The following ALKBH3 variants were observed in gnomAD, a reference collection of about 807,000 sequenced individuals.
The protein encoded by ALKBH3 is alkB homolog 3, alpha-ketoglutarate dependent dioxygenase.
In ALKBH3, 51 loss-of-function variants were observed where a neutral mutation model predicts 43.9. The ratio of observed to expected loss-of-function variants is 1.16; its 90% CI spans 0.93 to 1.47. ALKBH3 has a LOEUF of 1.47. Among genes scored for constraint, ALKBH3 ranks in the 40% most tolerant of loss-of-function variants. The pLI is 0.00. For missense variants in ALKBH3, 361 were observed against 351.9 expected (o/e 1.03, Z -0.21); for synonymous variants, 102 against 115.2 (o/e 0.89, Z 0.73).
At chr11:43,909,615 C>T (rs757369530) in intron 8 of ALKBH3, 17 of 152,320 alleles carry the variant, frequency 1.1e-4, no homozygotes, top group Admixed American at 2.6e-4. Context: ...ACGTTTGATC[C>T]TCAGCGGGTA....
rs190012738 is a variant in ALKBH3 at position 43,905,449 on chromosome 11, T to G, written c.669+3724T>G. ...GCCGGTTTTTTGTTTTTTGTTTTTTTTTTTCACTGTCCTGTGGTCCAAGTC... is the reference window on the plus strand; with the variant it reads ...GCCGGTTTTTTGTTTTTTGTTTTTTGTTTTCACTGTCCTGTGGTCCAAGTC... On this transcript the variant is annotated intron_variant, in intron 8 of 9. Coordinates refer to ENST00000302708, the MANE Select transcript of ALKBH3 (RefSeq NM_139178.4). 5.6e-3 allele frequency among the ~76,000 whole-genome samples: 846 copies of G among 152,226 alleles called. 10 individuals are homozygous for G. Among genetic ancestry groups the G allele is most frequent in the Admixed American group, 7.7e-3 (118 of 15,292 alleles).
intron 7 of ALKBH3, among the ~76,000 whole-genome samples, chr11:43,896,133 A>C (rs1951816734): frequency 1.3e-5 from 2 of 152,302 alleles, no homozygotes; most frequent in South Asian, 4.1e-4. Context: ...CGTGAATGTC[A>C]CTTCAAGGAA....
At chr11:43,912,126 A>G (rs1200891118) in intron 8 of ALKBH3, 1 of 145,466 alleles carries the variant, frequency 6.9e-6, no homozygotes, top group African/African-American at 2.5e-5. Flanking sequence ...CCTTCTCAAA[A>G]CAAACAAACA....
At chr11:43,912,037 C>A (rs1054939815) in intron 8 of ALKBH3, among the ~76,000 whole-genome samples, 1 of 152,050 alleles carries the variant, frequency 6.6e-6, no homozygotes, top group African/African-American at 2.4e-5. Context: ...GCAGAAGAAT[C>A]GCTTGAACCT....
At chr11:43,897,212 A>G in intron 7 of ALKBH3, 1 of 528,668 alleles carries the variant, frequency 1.9e-6, no homozygotes, top group South Asian at 1.4e-5. Flanking sequence ...ATTGCAACTA[A>G]CCTTTAAGAA....
chr11:43,886,881 C>T (rs1485811134), intron 5 of ALKBH3, among the ~76,000 whole-genome samples: 1 of 151,988 alleles, frequency 6.6e-6, no homozygotes, highest in Non-Finnish European at 1.5e-5. Flanking sequence ...CATGTTCTCA[C>T]TTGTAAGTGG....
At chr11:43,911,809 A>C (rs1336402441) in intron 8 of ALKBH3, among the ~76,000 whole-genome samples, 3 of 152,198 alleles carry the variant, frequency 2.0e-5, no homozygotes, top group Non-Finnish European at 4.4e-5. Context: ...ATTGTACATT[A>C]TCATTCAGAG....
In ALKBH3 at chr11:43,887,811, CAG is replaced by C. The variant is rs565185556; in HGVS notation, c.266+1161_266+1162del. Among the ~76,000 whole-genome samples, 537 of 151,626 alleles carry C rather than the reference CAG, an allele frequency of 3.5e-3. 1 individual carries two copies. Among genetic ancestry groups the C allele is most frequent in the Non-Finnish European group, 6.0e-3 (406 of 67,926 alleles). ...TTTTTTTTTGTTTTGTGTTTTGAGA[CAG>C]AGTCTCACTCTGTCACTCAAGCTGG... On this transcript the variant is annotated intron_variant, in intron 5 of 9. Transcript: ENST00000302708.
At position 43,889,736 on chromosome 11, in the gene ALKBH3, A is replaced by G; in HGVS notation, c.278A>G (p.Tyr93Cys). Reference sequence around the variant, plus strand: ...CATTCTGCACCCAGGGTCTGTTTGTATCCTGGCTTTGTTGACGTGAAAGAA... The same window carrying G: ...CATTCTGCACCCAGGGTCTGTTTGTGTCCTGGCTTTGTTGACGTGAAAGAA... ...SPTGVSRVCL[Y>C]PGFVDVKEAD... Residue 93 changes from tyrosine (Y) to cysteine (C), a missense_variant, in exon 6 of 10, where the codon TAT becomes TGT. Physicochemically the swap from Tyr to Cys is radical, Grantham distance 194. Coordinates refer to ENST00000302708, the MANE Select transcript of ALKBH3 (RefSeq NM_139178.4). 6.2e-7 allele frequency: 1 copy of G among 1,614,054 alleles called. No homozygotes were observed. Among genetic ancestry groups the G allele is most frequent in the East Asian group, 2.2e-5 (1 of 44,866 alleles).
Position 43,889,766 on chromosome 11 carries a change from A to G in ALKBH3, c.308A>G (p.Asp103Gly), listed in dbSNP as rs759713035. ...GGCTTTGTTGACGTGAAAGAAGCTG[A>G]CTGGATATTGGAACAGCTTTGTCAA... ...YPGFVDVKEADWILEQLCQDV... is the reference protein window; with the variant it reads ...YPGFVDVKEAGWILEQLCQDV... The change falls in exon 6 of 10, where the codon GAC (aspartate) becomes GGC (glycine). Residue 103 changes from aspartate to glycine, a missense_variant. Physicochemically the swap from Asp to Gly is moderately conservative, Grantham distance 94 (BLOSUM62 -1). Coordinates refer to ENST00000302708, the MANE Select transcript of ALKBH3 (RefSeq NM_139178.4). 1 of 1,614,084 alleles carries G rather than the reference A, an allele frequency of 6.2e-7. No homozygotes were observed. Among genetic ancestry groups the G allele is most frequent in the Non-Finnish European group, 8.5e-7 (1 of 1,179,976 alleles).
At chr11:43,885,885 C>T (rs1408400347) in intron 4 of ALKBH3, among the ~76,000 whole-genome samples, 1 of 152,116 alleles carries the variant, frequency 6.6e-6, no homozygotes, top group Admixed American at 6.5e-5. Context: ...GATTAAAGGT[C>T]AGGAAAAGTT....
At chr11:43,901,407 C>T (rs775134568) in intron 7 of ALKBH3, 109 bp from the exon 8 acceptor site, 62 of 1,237,608 alleles carry the variant, frequency 5.0e-5, no homozygotes, top group Non-Finnish European at 6.7e-5. Context: ...TATTACATGC[C>T]CTGGTTATAA....
At chr11:43,898,705 C>G in intron 7 of ALKBH3, 2 of 716,428 alleles carry the variant, frequency 2.8e-6, no homozygotes, top group East Asian at 2.5e-5. Context: ...GGCCAGTTAC[C>G]CTAAGAGACT....
chr11:43,890,598 G>T (rs886522179), intron 6 of ALKBH3, among the ~76,000 whole-genome samples: 16 of 152,298 alleles, frequency 1.1e-4, no homozygotes, highest in African/African-American at 3.8e-4. Context: ...GGGCGTGGTG[G>T]CTTACGCCTG....
chr11:43,897,200 A>G (rs763553544), intron 7 of ALKBH3: 19 of 523,410 alleles, frequency 3.6e-5, no homozygotes, highest in South Asian at 2.2e-4. Context: ...TTCAGATTCC[A>G]TATTGCAACT....
At position 43,913,654 on chromosome 11, in the gene ALKBH3, C is replaced by T. The variant is rs556637133; in HGVS notation, c.670-5384C>T. Among the ~76,000 whole-genome samples, 4 of 152,330 alleles carry T rather than the reference C, an allele frequency of 2.6e-5. No individual in the cohort carries two copies. The South Asian group carries it at 8.3e-4, about 32-fold the overall frequency. ...GAAGTAGCACTTGTGTCCTGAGCAT[C>T]TCTCAGGCACTACTGCATGGAATGG... is the stretch of plus-strand genomic sequence containing the variant. On this transcript the variant is annotated intron_variant, in intron 8 of 9. Coordinates refer to ENST00000302708, the MANE Select transcript of ALKBH3 (RefSeq NM_139178.4).
chr11:43,893,461 C>T (rs1383429120), intron 7 of ALKBH3, among the ~76,000 whole-genome samples: 1 of 152,190 alleles, frequency 6.6e-6, no homozygotes, highest in Non-Finnish European at 1.5e-5. Context: ...ATTTTGACAA[C>T]TCTTCAAAAT....
intron 8 of ALKBH3, among the ~76,000 whole-genome samples, chr11:43,902,065 A>G (rs1456133846): frequency 6.6e-6 from 1 of 152,226 alleles, no homozygotes; most frequent in African/African-American, 2.4e-5. Context: ...GCTGTGAAGG[A>G]AAGCCTTAGA....
At chr11:43,891,685 G>A (rs982678606) in intron 6 of ALKBH3, among the ~76,000 whole-genome samples, 1 of 150,836 alleles carries the variant, frequency 6.6e-6, no homozygotes, top group Non-Finnish European at 1.5e-5. Flanking sequence ...AATTTCTGCA[G>A]ACAGGGGTTC....
Sources: allele counts gnomAD v4.1 joint callset (sites outside exome capture counted in the v4.1 genomes callset), GRCh38; gene constraint gnomAD v4.1.1; transcripts MANE v1.5; gene names NCBI Gene and HGNC (gene_info 2026-07-23, HGNC 2026-07-21).